MAPK10: variants seen among roughly 807,000 people sequenced by gnomAD.
MAPK10 encodes JNK3 alpha protein kinase.
In MAPK10, 25 loss-of-function variants were observed where a neutral mutation model predicts 59.3. The ratio of observed to expected loss-of-function variants is 0.42; its 90% CI spans 0.31 to 0.59. The LOEUF is 0.59. Ranked by LOEUF, MAPK10 falls within the 20% of genes least tolerant of loss-of-function variation. The pLI is 0.15. For missense variants in MAPK10, 351 were observed against 568.9 expected, an observed-to-expected ratio of 0.62 and a Z score of 3.90; for synonymous variants, 190 against 200.5, an observed-to-expected ratio of 0.95 and a Z score of 0.44.
At chr4:86,186,413 T>C (rs533162442) in intron 3 of MAPK10, among the ~76,000 whole-genome samples, 1 of 152,272 alleles carries the variant, frequency 6.6e-6, no homozygotes, top group Non-Finnish European at 1.5e-5. Flanking sequence ...GCAACACATT[T>C]TACTTTCTCA....
chr4:86,393,973 AC>A (rs1448625472), intron 1 of MAPK10, among the ~76,000 whole-genome samples: 1 of 152,198 alleles, frequency 6.6e-6, no homozygotes, highest in Non-Finnish European at 1.5e-5. Context: ...ACATCAGATG[AC>A]TAATAAGAAA....
chr4:86,176,942 G>C (rs17011409), intron 3 of MAPK10, among the ~76,000 whole-genome samples: 12,882 of 151,968 alleles, frequency 0.085, 1,208 homozygotes, highest in African/African-American at 0.23. Flanking sequence ...GAAAATTAGT[G>C]CAAAATTAAA....
At chr4:86,564,423 C>T (rs577444068) in intron 1 of MAPK10, among the ~76,000 whole-genome samples, 130 of 152,324 alleles carry the variant, frequency 8.5e-4, no homozygotes, top group African/African-American at 2.7e-3. Context: ...CCAAAAGCAG[C>T]TTGTTTCAGA....
chr4:86,576,293 A>C (rs145778449), intron 1 of MAPK10, among the ~76,000 whole-genome samples: 422 of 152,296 alleles, frequency 2.8e-3, no homozygotes, highest in Non-Finnish European at 2.2e-3. Context: ...AGACAATAAG[A>C]ATAAAATTAT....
At chr4:86,281,541 T>TAA (rs1554165597) in intron 2 of MAPK10, among the ~76,000 whole-genome samples, 1 of 143,790 alleles carries the variant, frequency 7.0e-6, no homozygotes, top group Non-Finnish European at 1.5e-5. Context: ...TAAAATAAAA[T>TAA]AATAAAATAA....
chr4:86,573,304 G>A (rs571500176), intron 1 of MAPK10, among the ~76,000 whole-genome samples: 3 of 152,208 alleles, frequency 2.0e-5, no homozygotes, highest in South Asian at 4.2e-4. Flanking sequence ...TTTATATGGT[G>A]GAGATAGGTT....
At position 86,103,081 on chromosome 4, in the gene MAPK10, G is replaced by A. The variant is rs140180714; in HGVS notation, c.425+105C>T. On this transcript the variant is annotated intron_variant, in intron 6 of 13. Transcript: ENST00000641462. ...AGTATAAGGGATTTCAACTCTGTGT[G>A]TGTGTGTGTGTGTGTGTGTGTGTGT... is the stretch of plus-strand genomic sequence containing the variant. 5,675 of 620,286 alleles carry A rather than the reference G, an allele frequency of 9.1e-3. 4 individuals carry two copies. The highest frequency in any genetic ancestry group is 0.014 in the Non-Finnish European group (4,620 of 337,164). 38.4% of individuals were successfully genotyped at this position (620,286 alleles called of 1,614,324 possible).
chr4:86,025,429 G>A (rs145553598), intron 13 of MAPK10: 29 of 397,678 alleles, frequency 7.3e-5, no homozygotes, highest in Middle Eastern at 6.3e-4. Flanking sequence ...AAACACAAAC[G>A]TAAGGGACAA....
intron 2 of MAPK10, among the ~76,000 whole-genome samples, chr4:86,351,396 A>AACAC (rs142964843): frequency 0.078 from 10,271 of 132,380 alleles, 369 homozygotes; most frequent in South Asian, 0.088. Context: ...TGTATACACA[A>AACAC]ACACACACAC....
intron 1 of MAPK10, among the ~76,000 whole-genome samples, chr4:86,500,399 T>C (rs1755216933): frequency 6.6e-6 from 1 of 152,192 alleles, no homozygotes; most frequent in Admixed American, 6.5e-5. Context: ...AGGAAAAAGA[T>C]AAGTTTGCGT....
chr4:86,283,258 A>G (rs1477114354), intron 2 of MAPK10, among the ~76,000 whole-genome samples: 1 of 152,240 alleles, frequency 6.6e-6, no homozygotes, highest in Non-Finnish European at 1.5e-5. Flanking sequence ...GTCATTCAAC[A>G]TGAGAAGACT....
intron 1 of MAPK10, among the ~76,000 whole-genome samples, chr4:86,546,892 T>A (rs561949281): frequency 3.3e-5 from 5 of 151,978 alleles, no homozygotes; most frequent in African/African-American, 1.2e-4. Context: ...CCATCTCTAC[T>A]AAATATACAA....
chr4:86,350,706 T>C (rs999757750), intron 2 of MAPK10, among the ~76,000 whole-genome samples: 2 of 152,226 alleles, frequency 1.3e-5, no homozygotes, highest in African/African-American at 2.4e-5. Flanking sequence ...ACAGAGTATA[T>C]TGAAAATTCT....
At chr4:86,139,587 A>C (rs565014464) in intron 4 of MAPK10, among the ~76,000 whole-genome samples, 1 of 152,366 alleles carries the variant, frequency 6.6e-6, no homozygotes, top group East Asian at 1.9e-4. Flanking sequence ...ACCCTAGAAG[A>C]AAACCAAGGC....
chr4:86,283,970 G>A (rs1000842040), intron 2 of MAPK10, among the ~76,000 whole-genome samples: 1 of 152,080 alleles, frequency 6.6e-6, no homozygotes, highest in African/African-American at 2.4e-5. Flanking sequence ...TACAATCTAG[G>A]TTAGCATATT....
At chr4:86,301,894 A>T (rs1317835617) in intron 2 of MAPK10, among the ~76,000 whole-genome samples, 1 of 152,168 alleles carries the variant, frequency 6.6e-6, no homozygotes, top group African/African-American at 2.4e-5. Context: ...TAAATAGCAA[A>T]AACTGCTTAG....
chr4:86,371,400 A>G (rs533061208), intron 1 of MAPK10, among the ~76,000 whole-genome samples: 1 of 152,286 alleles, frequency 6.6e-6, no homozygotes, highest in Non-Finnish European at 1.5e-5. Flanking sequence ...CTACTGTATC[A>G]TAAGGTAGGT....
intron 1 of MAPK10, among the ~76,000 whole-genome samples, chr4:86,525,616 GA>G (rs1379367984): frequency 6.6e-6 from 1 of 152,142 alleles, no homozygotes; most frequent in Non-Finnish European, 1.5e-5. Context: ...TCATAACGGA[GA>G]AAAGTGAGTA....
intron 3 of MAPK10, among the ~76,000 whole-genome samples, chr4:86,179,548 C>T (rs1367388128): frequency 6.6e-6 from 1 of 151,994 alleles, no homozygotes; most frequent in East Asian, 1.9e-4. Context: ...CAAAGCAATC[C>T]TTAACAAAAA....
Sources: gnomAD v4.1 joint callset for allele counts (sites outside exome capture counted in the v4.1 genomes callset) on GRCh38, gnomAD v4.1.1 for gene constraint, MANE v1.5 for transcripts, NCBI Gene and HGNC (gene_info 2026-07-23, HGNC 2026-07-21) for gene names.